The following PIBF1 variants were observed in gnomAD, a reference collection of about 807,000 sequenced individuals.
PIBF1 encodes progesterone-induced-blocking factor 1.
Under a neutral mutation model 112.5 loss-of-function variants are expected in PIBF1, and 90 were observed. The ratio of observed to expected loss-of-function variants is 0.80; its 90% CI spans 0.67 to 0.95. The LOEUF (loss-of-function observed/expected upper bound fraction) is 0.95. PIBF1 is among the 40% of genes least tolerant of loss of function. The pLI is 0.00. For missense variants in PIBF1, 915 were observed against 852.3 expected (o/e 1.07, Z -0.92); for synonymous variants, 301 against 288.6 (o/e 1.04, Z -0.44).
rs1470771784 is a variant in PIBF1 at position 72,998,979 on chromosome 13, C to T, written c.2207C>T (p.Pro736Leu). The T allele has an allele frequency of 6.3e-7, 1 of 1,594,658 alleles. No homozygotes were observed. The highest frequency in any genetic ancestry group is 1.1e-5 in the South Asian group (1 of 88,800). ...GAGCATGAAGACAATATATTTACACCTAAACCAACACTCTTTGTAAGTACA... is the reference window on the plus strand; with the variant it reads ...GAGCATGAAGACAATATATTTACACTTAAACCAACACTCTTTGTAAGTACA... ...PKEHEDNIFTPKPTLFTKKEA... is the reference protein window; with the variant it reads ...PKEHEDNIFTLKPTLFTKKEA... Residue 736 changes from proline (P) to leucine (L), a missense_variant, in exon 17 of 18, where the codon CCT becomes CTT. Coordinates refer to ENST00000326291, the MANE Select transcript of PIBF1 (RefSeq NM_006346.4).
At chr13:73,007,299 GTTTT>G in intron 17 of PIBF1, among the ~76,000 whole-genome samples, 1 of 139,776 alleles carries the variant, frequency 7.2e-6, no homozygotes. Flanking sequence ...TTTTGTTTTT[GTTTT>G]TTTTTTTTTT....
chr13:72,894,758 T>TTATA (rs201574463), intron 11 of PIBF1, among the ~76,000 whole-genome samples: 1 of 133,616 alleles, frequency 7.5e-6, no homozygotes, highest in African/African-American at 2.8e-5. Context: ...AATATATATA[T>TTATA]TATATATATA....
chr13:72,930,812 A>G (rs962570288), intron 13 of PIBF1, among the ~76,000 whole-genome samples: 1 of 152,172 alleles, frequency 6.6e-6, no homozygotes, highest in African/African-American at 2.4e-5. Flanking sequence ...CTGATTTGTA[A>G]TTGGAAAATA....
At chr13:72,823,739 C>G (rs2036671715) in intron 6 of PIBF1, among the ~76,000 whole-genome samples, 1 of 152,130 alleles carries the variant, frequency 6.6e-6, no homozygotes, top group African/African-American at 2.4e-5. Context: ...TAAATTAGAT[C>G]TGAATGTATC....
At chr13:72,871,882 C>T (rs1423321058) in intron 10 of PIBF1, among the ~76,000 whole-genome samples, 1 of 152,094 alleles carries the variant, frequency 6.6e-6, no homozygotes, top group Non-Finnish European at 1.5e-5. Context: ...TAAGGGAATG[C>T]TTATTTTAAT....
chr13:72,821,086 A>G (rs984146984), intron 5 of PIBF1, among the ~76,000 whole-genome samples: 11 of 152,188 alleles, frequency 7.2e-5, no homozygotes, highest in African/African-American at 2.7e-4. Flanking sequence ...GATTATATGC[A>G]GGTATTCAGG....
At chr13:72,967,342 C>G (rs2042770360) in intron 15 of PIBF1, among the ~76,000 whole-genome samples, 1 of 152,126 alleles carries the variant, frequency 6.6e-6, no homozygotes, top group Admixed American at 6.5e-5. Context: ...TATCTCCAAA[C>G]AAATTTATTT....
intron 11 of PIBF1, among the ~76,000 whole-genome samples, chr13:72,894,840 T>A (rs184299140): frequency 2.0e-5 from 3 of 150,078 alleles, no homozygotes; most frequent in East Asian, 1.9e-4. Context: ...ATACAGATGA[T>A]CCAGGGGCAG....
chr13:72,875,242 T>G (rs1195777599), intron 10 of PIBF1, among the ~76,000 whole-genome samples: 1 of 152,338 alleles, frequency 6.6e-6, no homozygotes, highest in East Asian at 1.9e-4. Flanking sequence ...TCATAGCTCA[T>G]ATCTTTCAGT....
intron 10 of PIBF1, among the ~76,000 whole-genome samples, chr13:72,858,642 T>C (rs765345200): frequency 2.4e-4 from 37 of 152,312 alleles, no homozygotes; most frequent in Non-Finnish European, 4.0e-4. Context: ...AGAGATTTTG[T>C]ACCTCATAAA....
At chr13:72,994,793 G>C (rs959210588) in intron 16 of PIBF1, among the ~76,000 whole-genome samples, 1 of 152,134 alleles carries the variant, frequency 6.6e-6, no homozygotes, top group African/African-American at 2.4e-5. Context: ...CTTACCAAAG[G>C]ATTTCTCTTC....
rs759148284 is a variant in PIBF1 at position 72,821,982 on chromosome 13, G to A, written c.806G>A (p.Ser269Asn). 5.0e-6 allele frequency: 8 copies of A among 1,605,680 alleles called. No homozygotes were observed. The East Asian group carries it at 1.4e-4, about 27-fold the overall frequency. The change falls in exon 6 of 18, where the codon AGT (serine) becomes AAT (asparagine). Residue 269 changes from serine to asparagine, a missense_variant and splice_region_variant. Coordinates refer to ENST00000326291, the MANE Select transcript of PIBF1 (RefSeq NM_006346.4). ...YRQENYDKVK[S>N]ERDALEQEVI... ...CAAGAGAACTATGATAAAGTCAAGA[G>A]GTAAGTAGTTAAAATGGCTGCAGTA...
chr13:73,013,747 A>AG (rs1211723649), intron 17 of PIBF1, among the ~76,000 whole-genome samples: 15 of 145,726 alleles, frequency 1.0e-4, no homozygotes, highest in South Asian at 2.1e-4. Flanking sequence ...AAAAAAAAAA[A>AG]AAAAAAGAAA....
At position 72,792,421 on chromosome 13, in the gene PIBF1, T is replaced by G. The variant is rs566612393; in HGVS notation, c.253-26T>G. ...AAGTTTTTCTTTATGACAAATCATA[T>G]AATTTATCTTTTTCTCTTTACGAAG... On this transcript the variant is annotated intron_variant, in intron 2 of 17. Transcript: ENST00000326291. The G allele has an allele frequency of 2.6e-4, 336 of 1,307,986 alleles. 2 individuals carry two copies. In the South Asian group the frequency reaches 4.2e-3, roughly 16 times the overall value. The allele number at this position is 1,307,986 out of a possible 1,614,324, so 81.0% of individuals were successfully genotyped here. A position where few individuals can be genotyped will look rare whatever the true frequency, so the allele number is the denominator to read the frequency against.
intron 5 of PIBF1, among the ~76,000 whole-genome samples, chr13:72,799,495 GTTTTC>G (rs1482269774): frequency 6.6e-6 from 1 of 152,086 alleles, no homozygotes; most frequent in Non-Finnish European, 1.5e-5. Flanking sequence ...AACTTCAGTT[GTTTTC>G]TTTTCTTCTC....
intron 9 of PIBF1, chr13:72,835,994 GA>G (rs1351610277): frequency 3.0e-6 from 1 of 338,386 alleles, no homozygotes; most frequent in African/African-American, 2.2e-5. Flanking sequence ...AGCTACTCGG[GA>G]GGCTGAGGCA....
chr13:73,003,545 C>T (rs947009131), intron 17 of PIBF1, among the ~76,000 whole-genome samples: 1 of 151,756 alleles, frequency 6.6e-6, no homozygotes, highest in African/African-American at 2.4e-5. Flanking sequence ...TGTGAGCCAC[C>T]GCACCTGGCC....
intron 16 of PIBF1, chr13:72,974,272 A>G (rs1489950900): frequency 6.6e-6 from 1 of 152,202 alleles, no homozygotes; most frequent in Non-Finnish European, 1.5e-5. Context: ...ATTTTTGACA[A>G]ATGCACACAG....
At chr13:72,795,309 A>G in intron 3 of PIBF1, 50 bp from the exon 4 acceptor site, 1 of 1,132,778 alleles carries the variant, frequency 8.8e-7, no homozygotes, top group Non-Finnish European at 1.3e-6. Flanking sequence ...TGAGAAAATT[A>G]GATCTCAAAT....
Sources: allele counts gnomAD v4.1 joint callset (sites outside exome capture counted in the v4.1 genomes callset), GRCh38; gene constraint gnomAD v4.1.1; transcripts MANE v1.5; gene names NCBI Gene and HGNC (gene_info 2026-07-23, HGNC 2026-07-21).